Variants in CHD7 observed in about 807,000 individuals in gnomAD.
The protein encoded by CHD7 is chromodomain helicase DNA binding protein 7.
CHD7 carries 24 observed loss-of-function variants against 307.3 expected under a neutral mutation model. The ratio of observed to expected loss-of-function variants is 0.08; its 90% CI spans 0.06 to 0.11. The LOEUF is 0.11. Ranked by LOEUF, CHD7 falls within the 10% of genes least tolerant of loss-of-function variation. The pLI is 1.00. For synonymous variants in CHD7, 1,363 were observed against 1,349.9 expected, an observed-to-expected ratio of 1.01 and a Z score of -0.21; for missense variants, 3,106 against 3,727.1, an observed-to-expected ratio of 0.83 and a Z score of 4.34.
intron 16 of CHD7, 102 bp from the exon 17 acceptor site, chr8:60,836,715 T>C (rs1271861207): frequency 1.2e-6 from 1 of 832,598 alleles, no homozygotes; most frequent in Non-Finnish European, 1.8e-6. Flanking sequence ...ATATTAGTCT[T>C]TTTAATATAT....
chr8:60,811,717 C>A (rs766258127), intron 7 of CHD7, among the ~76,000 whole-genome samples: 15 of 152,042 alleles, frequency 9.9e-5, no homozygotes, highest in Non-Finnish European at 1.5e-4. Context: ...TTACTAGATA[C>A]AAAAGGCAAA....
At position 60,854,476 on chromosome 8, in the gene CHD7, G is replaced by A; in HGVS notation, c.6889G>A (p.Ala2297Thr). The change falls in exon 32 of 38, where the codon GCT becomes ACT. Residue 2297 changes from alanine (A) to threonine (T), a missense_variant. Physicochemically the swap from Ala to Thr is moderately conservative, Grantham distance 58. This residue lies in a region of CHD7 where 1,030 missense variants were observed against 1,165.4 expected (regional missense o/e 0.88). Coordinates refer to ENST00000423902, the MANE Select transcript of CHD7 (RefSeq NM_017780.4). ...CATGGAGGACGGAGATCCTTCAGTA[G>A]CTCAGCTCCTTCATGAAAGAACATT... The part of the protein sequence containing the change: ...FYMEDGDPSV[A>T]QLLHERTFAF... 6.2e-7 allele frequency: 1 copy of A among 1,608,274 alleles called. No homozygotes were observed. The highest frequency in any genetic ancestry group is 8.5e-7 in the Non-Finnish European group (1 of 1,176,094).
intron 8 of CHD7, among the ~76,000 whole-genome samples, chr8:60,819,471 G>T (rs1803917549): frequency 6.6e-6 from 1 of 152,108 alleles, no homozygotes; most frequent in Non-Finnish European, 1.5e-5. Flanking sequence ...TCTAAATGAG[G>T]TACTAATATT....
intron 1 of CHD7, among the ~76,000 whole-genome samples, chr8:60,726,753 G>A (rs1195137948): frequency 6.6e-6 from 1 of 152,096 alleles, no homozygotes; most frequent in Non-Finnish European, 1.5e-5. Context: ...TTTAACACAA[G>A]CACCTCATGA....
intron 2 of CHD7, among the ~76,000 whole-genome samples, chr8:60,772,842 T>C: frequency 6.6e-6 from 1 of 152,220 alleles, no homozygotes. Context: ...GAAGAACATT[T>C]GCTGATTTAC....
intron 1 of CHD7, among the ~76,000 whole-genome samples, chr8:60,680,649 C>G (rs978548196): frequency 1.3e-5 from 2 of 152,170 alleles, no homozygotes; most frequent in African/African-American, 4.8e-5. Flanking sequence ...GGGTCGGACT[C>G]TTTTCCTGGA....
intron 1 of CHD7, among the ~76,000 whole-genome samples, chr8:60,728,819 T>G (rs944231726): frequency 1.3e-5 from 2 of 152,178 alleles, no homozygotes; most frequent in Non-Finnish European, 2.9e-5. Flanking sequence ...ACAAAGTTTA[T>G]TTATTTTAAC....
intron 1 of CHD7, among the ~76,000 whole-genome samples, chr8:60,691,537 G>A (rs1453014512): frequency 6.6e-6 from 1 of 152,184 alleles, no homozygotes; most frequent in Non-Finnish European, 1.5e-5. Context: ...GAAGGTGCTT[G>A]TCCATTATCC....
At chr8:60,715,893 G>C (rs1313511544) in intron 1 of CHD7, among the ~76,000 whole-genome samples, 2 of 152,158 alleles carry the variant, frequency 1.3e-5, no homozygotes, top group African/African-American at 4.8e-5. Context: ...ACAGTTAACT[G>C]TCCACGCCCT....
At chr8:60,790,435 CTTTT>C (rs1422951375) in intron 3 of CHD7, among the ~76,000 whole-genome samples, 1 of 152,088 alleles carries the variant, frequency 6.6e-6, no homozygotes, top group Non-Finnish European at 1.5e-5. Flanking sequence ...AGATGGTATT[CTTTT>C]CTGTTGGTTT....
chr8:60,848,318 A>G (rs1343000747), intron 23 of CHD7, among the ~76,000 whole-genome samples, 197 bp from the exon 24 acceptor site: 1 of 152,240 alleles, frequency 6.6e-6, no homozygotes. Flanking sequence ...GTTGCCAGGC[A>G]GGCCTGTTGG....
At chr8:60,837,489 C>T (rs1804790911) in intron 17 of CHD7, among the ~76,000 whole-genome samples, 179 bp from the exon 18 acceptor site, 1 of 152,170 alleles carries the variant, frequency 6.6e-6, no homozygotes, top group African/African-American at 2.4e-5. Flanking sequence ...GCTCTCTCGC[C>T]TCTTTATATG....
intron 2 of CHD7, among the ~76,000 whole-genome samples, chr8:60,780,640 A>G (rs1811167348): frequency 6.6e-6 from 1 of 152,196 alleles, no homozygotes. Context: ...CTAGAACTCA[A>G]CTTAGATGTA....
intron 25 of CHD7, 93 bp from the exon 26 acceptor site, chr8:60,850,400 C>G (rs1464755579): frequency 1.0e-5 from 15 of 1,457,626 alleles, no homozygotes; most frequent in Non-Finnish European, 1.3e-5. Context: ...GACTGAAAAA[C>G]AAACTTGTGT....
At chr8:60,708,976 C>T (rs1586193017) in intron 1 of CHD7, among the ~76,000 whole-genome samples, 1 of 152,132 alleles carries the variant, frequency 6.6e-6, no homozygotes, top group African/African-American at 2.4e-5. Context: ...TCTGTGGAGA[C>T]GTTGCTGGCC....
chr8:60,833,524 G>A (rs779684806), intron 15 of CHD7, among the ~76,000 whole-genome samples: 1 of 152,132 alleles, frequency 6.6e-6, no homozygotes, highest in East Asian at 1.9e-4. Context: ...TTTTTTTCTG[G>A]TAATCGTCAA....
intron 6 of CHD7, among the ~76,000 whole-genome samples, chr8:60,806,949 T>C (rs1235124535): frequency 6.6e-6 from 1 of 152,102 alleles, no homozygotes; most frequent in Non-Finnish European, 1.5e-5. Context: ...TGCTTGAGCC[T>C]GGGAGGTTGA....
intron 7 of CHD7, among the ~76,000 whole-genome samples, chr8:60,812,749 T>A (rs1366637473): frequency 6.6e-6 from 1 of 151,856 alleles, no homozygotes; most frequent in Admixed American, 6.5e-5. Context: ...TTTATTTATT[T>A]TATTTATTTT....
Position 60,837,801 on chromosome 8 carries a change from A to G in CHD7, c.4319A>G (p.Gln1440Arg). Residue 1440 changes from glutamine to arginine, a missense_variant, in exon 18 of 38, where the codon CAG becomes CGG. Physicochemically the swap from Gln to Arg is conservative, Grantham distance 43 (BLOSUM62 1). Coordinates refer to ENST00000423902, the MANE Select transcript of CHD7 (RefSeq NM_017780.4). ...CTGGGCCTGGATAAAGCTGTGCTAC[A>G]GTCTATGAGTGGAAGAGAAAATGCT... The part of the protein sequence containing the change: ...LKLGLDKAVL[Q>R]SMSGRENATN... 6.2e-7 allele frequency: 1 copy of G among 1,613,844 alleles called. No homozygotes were observed. The highest frequency in any genetic ancestry group is 8.5e-7 in the Non-Finnish European group (1 of 1,179,768).
Sources: allele counts gnomAD v4.1 joint callset (sites outside exome capture counted in the v4.1 genomes callset), GRCh38; gene constraint gnomAD v4.1.1; regional missense constraint gnomAD v4.1.1; transcripts MANE v1.5; gene names NCBI Gene and HGNC (gene_info 2026-07-23, HGNC 2026-07-21).